ATP2B1: variants seen among roughly 807,000 people sequenced by gnomAD.
ATP2B1 encodes plasma membrane calcium-transporting ATPase 1.
In ATP2B1, 14 loss-of-function variants were observed where a neutral mutation model predicts 124.2. The ratio of observed to expected loss-of-function variants is 0.11; its 90% CI spans 0.07 to 0.18. ATP2B1 has a LOEUF of 0.18. Ranked by LOEUF, ATP2B1 falls within the 10% of genes least tolerant of loss-of-function variation. The pLI is 1.00. For synonymous variants in ATP2B1, 449 were observed against 492.4 expected (o/e 0.91, Z 1.17); for missense variants, 763 against 1,466.1 (o/e 0.52, Z 7.83).
intron 1 of ATP2B1, among the ~76,000 whole-genome samples, chr12:89,689,294 A>C (rs531262456): frequency 2.6e-5 from 4 of 152,264 alleles, no homozygotes; most frequent in African/African-American, 9.6e-5. Flanking sequence ...CATACTAAAA[A>C]AAATTATTCA....
At chr12:89,649,137 A>G (rs1362580103) in intron 2 of ATP2B1, among the ~76,000 whole-genome samples, 1 of 152,218 alleles carries the variant, frequency 6.6e-6, no homozygotes, top group Non-Finnish European at 1.5e-5. Context: ...GGGTTGGAGC[A>G]CCCACAAAGT....
rs552051775 is a variant in ATP2B1 at position 89,611,421 on chromosome 12, G to C, written c.2068-49C>G. ...TTACAAAGTTAATTTGGTATTTTTA[G>C]AAGGAAAAATATTTCACTGCACACG... On this transcript the variant is annotated intron_variant, in intron 12 of 20. Transcript: ENST00000428670. The C allele has an allele frequency of 2.8e-6, 4 of 1,438,814 alleles. No individual in the cohort carries two copies. The South Asian group carries it at 6.5e-5, about 23-fold the overall frequency. The allele number at this position is 1,438,814 out of a possible 1,614,324, so 89.1% of individuals were successfully genotyped here.
intron 3 of ATP2B1, among the ~76,000 whole-genome samples, chr12:89,637,928 C>A (rs1882948536): frequency 6.6e-6 from 1 of 152,028 alleles, no homozygotes; most frequent in East Asian, 1.9e-4. Flanking sequence ...ATATCCATCA[C>A]TAAACTACTG....
chr12:89,652,211 G>A (rs114371526), intron 2 of ATP2B1, among the ~76,000 whole-genome samples: 2,866 of 152,232 alleles, frequency 0.019, 37 homozygotes, highest in Non-Finnish European at 0.025. Flanking sequence ...TGCCTACTGC[G>A]TGGCAGATAC....
At chr12:89,609,720 T>C (rs1269618335) in intron 15 of ATP2B1, among the ~76,000 whole-genome samples, 1 of 152,168 alleles carries the variant, frequency 6.6e-6, no homozygotes, top group Non-Finnish European at 1.5e-5. Context: ...ATTAAATTGC[T>C]CAAAAGAAAC....
chr12:89,657,834 G>A (rs1194418837), intron 1 of ATP2B1, among the ~76,000 whole-genome samples: 1 of 152,224 alleles, frequency 6.6e-6, no homozygotes, highest in East Asian at 1.9e-4. Flanking sequence ...ATATGAGTGA[G>A]TTGAGGATGG....
chr12:89,657,040 A>G (rs902138089), intron 1 of ATP2B1, among the ~76,000 whole-genome samples: 2 of 152,164 alleles, frequency 1.3e-5, no homozygotes, highest in African/African-American at 4.8e-5. Context: ...TAATCTGCCT[A>G]AAGATAAGCT....
At chr12:89,628,894 T>A (rs1022746079) in intron 6 of ATP2B1, among the ~76,000 whole-genome samples, 7 of 152,014 alleles carry the variant, frequency 4.6e-5, no homozygotes, top group South Asian at 2.1e-4. Flanking sequence ...CTGAGACACA[T>A]TACCCCGGAC....
intron 1 of ATP2B1, among the ~76,000 whole-genome samples, chr12:89,656,320 T>A (rs1885947612): frequency 6.6e-6 from 1 of 152,236 alleles, no homozygotes; most frequent in Admixed American, 6.5e-5. Flanking sequence ...GACATTAGAT[T>A]ACATTATTAA....
At chr12:89,622,170 T>C (rs951492601) in intron 9 of ATP2B1, among the ~76,000 whole-genome samples, 6 of 152,004 alleles carry the variant, frequency 3.9e-5, no homozygotes, top group South Asian at 2.1e-4. Flanking sequence ...GTACTTATAG[T>C]AGTGTAAGAG....
At position 89,616,853 on chromosome 12, in the gene ATP2B1, G is replaced by A; in HGVS notation, c.2016C>T (p.Thr672=). ...PEWDNENDIV[T]GLTCIAVVGI... ...CCACAACAGCAATGCATGTAAGGCC[G>A]GTGACAATATCATTTTCATTATCCC... The change falls in exon 12 of 21, where the codon ACC becomes ACT. Residue 672 remains threonine (T), a synonymous_variant. Coordinates refer to ENST00000428670, the MANE Select transcript of ATP2B1 (RefSeq NM_001366521.1). 6.2e-7 allele frequency: 1 copy of A among 1,613,964 alleles called. No individual in the cohort carries two copies.
At chr12:89,663,296 G>T (rs1366272427) in intron 1 of ATP2B1, among the ~76,000 whole-genome samples, 1 of 152,112 alleles carries the variant, frequency 6.6e-6, no homozygotes, top group African/African-American at 2.4e-5. Context: ...TTAGACAACA[G>T]AATAAGTTAA....
chr12:89,615,732 C>A (rs1481940790), intron 12 of ATP2B1, among the ~76,000 whole-genome samples: 1 of 152,176 alleles, frequency 6.6e-6, no homozygotes, highest in Non-Finnish European at 1.5e-5. Flanking sequence ...GGAAGTCTTA[C>A]CTGACCCCTC....
At chr12:89,702,908 T>C (rs1892021823) in intron 1 of ATP2B1, among the ~76,000 whole-genome samples, 1 of 152,256 alleles carries the variant, frequency 6.6e-6, no homozygotes, top group South Asian at 2.1e-4. Context: ...AAAAATTTAA[T>C]AGAAAATAGC....
At chr12:89,682,238 TAAAC>T (rs1354282283) in intron 1 of ATP2B1, among the ~76,000 whole-genome samples, 4 of 152,262 alleles carry the variant, frequency 2.6e-5, no homozygotes, top group East Asian at 3.9e-4. Context: ...ATGGTAGACT[TAAAC>T]AAAGAGAGAC....
At chr12:89,688,682 T>C (rs1890225330) in intron 1 of ATP2B1, among the ~76,000 whole-genome samples, 1 of 152,050 alleles carries the variant, frequency 6.6e-6, no homozygotes, top group Non-Finnish European at 1.5e-5. Context: ...CATTGAACAG[T>C]GGAACAGGCA....
At chr12:89,613,492 AGAGT>A (rs1306431771) in intron 12 of ATP2B1, among the ~76,000 whole-genome samples, 2 of 152,212 alleles carry the variant, frequency 1.3e-5, no homozygotes, top group African/African-American at 4.8e-5. Context: ...TCCTAGTGCC[AGAGT>A]GATGAGCAAA....
At chr12:89,651,039 T>C (rs1329344640) in intron 2 of ATP2B1, among the ~76,000 whole-genome samples, 2 of 152,208 alleles carry the variant, frequency 1.3e-5, no homozygotes, top group Non-Finnish European at 2.9e-5. Flanking sequence ...GCCAAAAATA[T>C]GAAGTTACAA....
At chr12:89,608,248 A>G (rs1013234701) in intron 15 of ATP2B1, among the ~76,000 whole-genome samples, 2 of 152,166 alleles carry the variant, frequency 1.3e-5, no homozygotes, top group African/African-American at 4.8e-5. Context: ...GGCTCACTGC[A>G]GCCTGCGCCT....
Sources: gnomAD v4.1 joint callset for allele counts (sites outside exome capture counted in the v4.1 genomes callset) on GRCh38, gnomAD v4.1.1 for gene constraint, MANE v1.5 for transcripts, NCBI Gene and HGNC (gene_info 2026-07-23, HGNC 2026-07-21) for gene names.